AP2M1: variants seen among roughly 807,000 people sequenced by gnomAD.
The protein encoded by AP2M1 is adaptor related protein complex 2 subunit mu 1.
In AP2M1, 5 loss-of-function variants were observed where a neutral mutation model predicts 54.5. The ratio of observed to expected loss-of-function variants is 0.09; its 90% CI spans 0.05 to 0.19. AP2M1 has a LOEUF of 0.19. Among genes scored for constraint, AP2M1 ranks in the 10% least tolerant of loss-of-function variants. The pLI, the probability that AP2M1 is intolerant of heterozygous loss-of-function variation, is 1.00. For missense variants in AP2M1, 178 were observed against 580.2 expected (o/e 0.31, Z 7.12); for synonymous variants, 186 against 208.2 (o/e 0.89, Z 0.92).
rs372715427 is a variant in AP2M1 at position 184,183,456 on chromosome 3, A to G, written c.1174-26A>G. 3.7e-6 allele frequency: 6 copies of G among 1,613,586 alleles called. No homozygotes were observed. The highest frequency in any genetic ancestry group is 2.2e-5 in the South Asian group (2 of 91,038). ...AGAGCGGCTGTAAGAGGAAGGCCAC[A>G]TTTCTAACTAGCTCTCCTTGCCCAG... On this transcript the variant is annotated intron_variant, in intron 11 of 11. Coordinates refer to ENST00000292807, the MANE Select transcript of AP2M1 (RefSeq NM_004068.4). The surrounding 1 kb of genome is among the most constrained non-coding windows in gnomAD (Gnocchi z 5.7).
At position 184,183,413 on chromosome 3, in the gene AP2M1, A is replaced by G; in HGVS notation, c.1174-69A>G. 6.3e-7 allele frequency: 1 copy of G among 1,599,538 alleles called. No individual in the cohort carries two copies. On this transcript the variant is annotated intron_variant, in intron 11 of 11. Coordinates refer to ENST00000292807, the MANE Select transcript of AP2M1 (RefSeq NM_004068.4). This position sits in a 1 kb window ranked among gnomAD's most constrained non-coding sequence, Gnocchi z 5.7. ...TAGTAGCGATGAAGTAGGGCAGGGC[A>G]ACGGGACTTCCCAGAGGAGAGCGGC...
chr3:184,183,766 A>G lies in AP2M1; in HGVS notation c.*150A>G, dbSNP rs114970633. 7.6e-4 allele frequency: 711 copies of G among 938,498 alleles called. 3 individuals carry two copies. In the African/African-American group the frequency reaches 9.2e-3, roughly 12 times the overall value. 58.1% of individuals were successfully genotyped at this position (938,498 alleles called of 1,614,324 possible). On this transcript the variant is annotated 3_prime_UTR_variant, in exon 12 of 12. Coordinates refer to ENST00000292807, the MANE Select transcript of AP2M1 (RefSeq NM_004068.4). This position sits in a 1 kb window ranked among gnomAD's most constrained non-coding sequence, Gnocchi z 5.7. ...CCGAGTCTAGGTCTGGGCCAAGCAC[A>G]TTACAAGTGGGACCGGTGGAGCAGC...
At chr3:184,177,371 CTTT>C (rs1715107887) in intron 2 of AP2M1, among the ~76,000 whole-genome samples, 1 of 152,222 alleles carries the variant, frequency 6.6e-6, no homozygotes, top group Admixed American at 6.5e-5. Context: ...TGAATTCCTT[CTTT>C]GAGGAGGAGG....
rs773885988 is a variant in AP2M1, at chr3:184,181,032, C to T, written c.565+48C>T. The T allele has an allele frequency of 3.7e-6, 6 of 1,614,000 alleles. No individual in the cohort carries two copies. In the South Asian group the frequency reaches 4.4e-5, roughly 12 times the overall value. On this transcript the variant is annotated intron_variant, in intron 6 of 11. Transcript: ENST00000292807. This position sits in a 1 kb window ranked among gnomAD's most constrained non-coding sequence, Gnocchi z 5.7. ...GTTGGAGGGGGCCCAGGGCAGGATC[C>T]TGGGCCTGCCTGCCTGACTCCGCTG...
At chr3:184,179,666 T>TC (rs1715206645) in intron 3 of AP2M1, among the ~76,000 whole-genome samples, 1 of 150,578 alleles carries the variant, frequency 6.6e-6, no homozygotes, top group South Asian at 2.1e-4. Context: ...TCTTTTCTTT[T>TC]TTTTTTTTTT....
In AP2M1 at chr3:184,180,740, A is replaced by G. The variant is rs1474876657; in HGVS notation, c.429+90A>G. 3 of 1,613,972 alleles carry G rather than the reference A, an allele frequency of 1.9e-6. No individual in the cohort carries two copies. The highest frequency in any genetic ancestry group is 2.5e-6 in the Non-Finnish European group (3 of 1,179,956). On this transcript the variant is annotated intron_variant, in intron 5 of 11. Transcript: ENST00000292807. This position sits in a 1 kb window ranked among gnomAD's most constrained non-coding sequence, Gnocchi z 4.9. Reference sequence around the variant, plus strand: ...GGGCTTATAGGGGAAAATGGATTACAGGTGGGGACTAGAAGGGATGGGGAA... The same window carrying G: ...GGGCTTATAGGGGAAAATGGATTACGGGTGGGGACTAGAAGGGATGGGGAA...
At chr3:184,176,818 T>C (rs1715088411) in intron 1 of AP2M1, 133 bp from the exon 2 acceptor site, 1 of 550,890 alleles carries the variant, frequency 1.8e-6, no homozygotes, top group Non-Finnish European at 3.1e-6. Flanking sequence ...GGGAGGGGCA[T>C]GTCTGGGAGG....
rs1213589904 is a variant in AP2M1 at position 184,181,381 on chromosome 3, T to TA, written c.707+156dup. 3.4e-6 allele frequency: 4 copies of TA among 1,178,158 alleles called. No individual in the cohort carries two copies. Among genetic ancestry groups the TA allele is most frequent in the Admixed American group, 2.3e-5 (1 of 42,672 alleles). 73.0% of individuals were successfully genotyped at this position (1,178,158 alleles called of 1,614,324 possible). A position where few individuals can be genotyped will look rare whatever the true frequency, so the allele number is the denominator to read the frequency against. On this transcript the variant is annotated intron_variant, in intron 7 of 11. Coordinates refer to ENST00000292807, the MANE Select transcript of AP2M1 (RefSeq NM_004068.4). This position sits in a 1 kb window ranked among gnomAD's most constrained non-coding sequence, Gnocchi z 5.7. Reference sequence around the variant, plus strand: ...GGCTGTTCGCTCTTGACATTAGTGCTACGAGAGATGAGGGGATCGTCCTCA... The same window carrying TA: ...GGCTGTTCGCTCTTGACATTAGTGCTAACGAGAGATGAGGGGATCGTCCTCA...
In AP2M1 at chr3:184,183,416, G is replaced by T; in HGVS notation, c.1174-66G>T. On this transcript the variant is annotated intron_variant, in intron 11 of 11. Coordinates refer to ENST00000292807, the MANE Select transcript of AP2M1 (RefSeq NM_004068.4). The surrounding 1 kb of genome is among the most constrained non-coding windows in gnomAD (Gnocchi z 5.7). ...TAGCGATGAAGTAGGGCAGGGCAAC[G>T]GGACTTCCCAGAGGAGAGCGGCTGT... The T allele has an allele frequency of 6.2e-7, 1 of 1,600,008 alleles. No individual in the cohort carries two copies. The highest frequency in any genetic ancestry group is 1.1e-5 in the South Asian group (1 of 90,118).
In AP2M1 at chr3:184,182,677, C is replaced by G. The variant is rs1420098417; in HGVS notation, c.1062-80C>G. On this transcript the variant is annotated intron_variant, in intron 10 of 11. Coordinates refer to ENST00000292807, the MANE Select transcript of AP2M1 (RefSeq NM_004068.4). The surrounding 1 kb of genome is among the most constrained non-coding windows in gnomAD (Gnocchi z 5.5). Reference sequence around the variant, plus strand: ...GGCACCTCCTGCAAGCTCCTGGGCTCTCTCCTTGCTTGAAATGGGCAACTG... The same window carrying G: ...GGCACCTCCTGCAAGCTCCTGGGCTGTCTCCTTGCTTGAAATGGGCAACTG... 7.9e-7 allele frequency: 1 copy of G among 1,261,286 alleles called. No individual in the cohort carries two copies. Among genetic ancestry groups the G allele is most frequent in the Non-Finnish European group, 1.1e-6 (1 of 877,294 alleles). The allele number at this position is 1,261,286 out of a possible 1,614,324, so 78.1% of individuals were successfully genotyped here.
At position 184,181,668 on chromosome 3, in the gene AP2M1, A is replaced by G. The variant is rs765231211; in HGVS notation, c.708-28A>G. 8.7e-6 allele frequency: 14 copies of G among 1,612,858 alleles called. No homozygotes were observed. Among genetic ancestry groups the G allele is most frequent in the Admixed American group, 3.3e-5 (2 of 60,018 alleles). The stretch of plus-strand genomic sequence containing the variant: ...TGACAGCTGTCATTCTCCTGTACCA[A>G]TGAGACCTCTTCTGCCCCTGCTTGC... On this transcript the variant is annotated intron_variant, in intron 7 of 11. Transcript: ENST00000292807. This position sits in a 1 kb window ranked among gnomAD's most constrained non-coding sequence, Gnocchi z 5.7.
intron 3 of AP2M1, among the ~76,000 whole-genome samples, chr3:184,179,705 A>T (rs1021623433): frequency 7.3e-6 from 1 of 136,214 alleles, no homozygotes; most frequent in Admixed American, 8.1e-5. Flanking sequence ...CTTGTCACCT[A>T]TGCTGAGTGC....
chr3:184,181,972 G>A lies in AP2M1; in HGVS notation c.888G>A (p.Val296=). 6.2e-7 allele frequency: 1 copy of A among 1,614,168 alleles called. No homozygotes were observed. Among genetic ancestry groups the A allele is most frequent in the Non-Finnish European group, 8.5e-7 (1 of 1,180,036 alleles). The change falls in exon 9 of 12, where the codon GTG becomes GTA. Residue 296 remains valine (V), a synonymous_variant. Coordinates refer to ENST00000292807, the MANE Select transcript of AP2M1 (RefSeq NM_004068.4). The surrounding 1 kb of genome is among the most constrained non-coding windows in gnomAD (Gnocchi z 5.7). ...PFRVIPLVRE[V]GRTKLEVKVV... is the part of the protein sequence containing the mutation. ...GGGTGATCCCGCTAGTGCGAGAAGT[G>A]GGACGCACCAAACTGGAGGTCAAGG...
At position 184,177,891 on chromosome 3, in the gene AP2M1, G is replaced by T. The variant is rs1025914338; in HGVS notation, c.74+824G>T. On this transcript the variant is annotated intron_variant, in intron 2 of 11. Transcript: ENST00000292807. ...GGCCTGTGGCAGTGCTCTTCATTTGGCTCCCTGGCTGATGGGCTGGCTTGG... is the reference window on the plus strand; with the variant it reads ...GGCCTGTGGCAGTGCTCTTCATTTGTCTCCCTGGCTGATGGGCTGGCTTGG... 5.4e-5 allele frequency: 32 copies of T among 594,096 alleles called. No homozygotes were observed. In the African/African-American group the frequency reaches 5.6e-4, roughly 10 times the overall value. 36.8% of individuals were successfully genotyped at this position (594,096 alleles called of 1,614,324 possible). A position where few individuals can be genotyped will look rare whatever the true frequency, so the allele number is the denominator to read the frequency against.
rs1314243209 is a variant in AP2M1 at position 184,181,954 on chromosome 3, C to T, written c.870C>T (p.Ile290=). Residue 290 remains isoleucine (I), a synonymous_variant, in exon 9 of 12, where the codon ATC becomes ATT. Coordinates refer to ENST00000292807, the MANE Select transcript of AP2M1 (RefSeq NM_004068.4). The surrounding 1 kb of genome is among the most constrained non-coding windows in gnomAD (Gnocchi z 5.7). ...ACATCATCCTTCCCTTCCGGGTGAT[C>T]CCGCTAGTGCGAGAAGTGGGACGCA... ...TKDIILPFRV[I]PLVREVGRTK... The T allele has an allele frequency of 6.2e-7, 1 of 1,614,194 alleles. No individual in the cohort carries two copies. Among genetic ancestry groups the T allele is most frequent in the East Asian group, 2.2e-5 (1 of 44,880 alleles).
chr3:184,179,662 C>CTTTTTTTT (rs368749437), intron 3 of AP2M1, among the ~76,000 whole-genome samples: 7 of 135,098 alleles, frequency 5.2e-5, no homozygotes, highest in Admixed American at 7.4e-5. Context: ...GATTTCTTTT[C>CTTTTTTTT]TTTTTTTTTT....
Position 184,179,112 on chromosome 3 carries a change from G to A in AP2M1, c.330G>A (p.Glu110=). Reference sequence around the variant, plus strand: ...AGAACAATTTTGTGCTCATATATGAGCTGCTGGATGGTGAGGCTGGCGGGC... The same window carrying A: ...AGAACAATTTTGTGCTCATATATGAACTGCTGGATGGTGAGGCTGGCGGGC... ...NIKNNFVLIY[E]LLDEILDFGY... The change falls in exon 3 of 12, where the codon GAG becomes GAA. Residue 110 remains glutamate (E), a synonymous_variant. Transcript: ENST00000292807. The A allele has an allele frequency of 6.2e-7, 1 of 1,612,072 alleles. No homozygotes were observed. Among genetic ancestry groups the A allele is most frequent in the East Asian group, 2.2e-5 (1 of 44,850 alleles).
chr3:184,175,767 C>T (rs1348468563), intron 1 of AP2M1, among the ~76,000 whole-genome samples: 1 of 152,126 alleles, frequency 6.6e-6, no homozygotes, highest in Admixed American at 6.5e-5. Flanking sequence ...CGCTACCTAC[C>T]ACTCGATACC....
In AP2M1 at chr3:184,178,347, GC is replaced by G; in HGVS notation, c.75-509del. 7.9e-7 allele frequency: 1 copy of G among 1,259,324 alleles called. No homozygotes were observed. The highest frequency in any genetic ancestry group is 2.5e-5 in the East Asian group (1 of 39,670). 78.0% of individuals were successfully genotyped at this position (1,259,324 alleles called of 1,614,324 possible). ...GTTGGATCCTGGGCAAGAATGGGTA[GC>G]ACAATTCCATGGCCCCTTGGTACTT... On this transcript the variant is annotated intron_variant, in intron 2 of 11. Coordinates refer to ENST00000292807, the MANE Select transcript of AP2M1 (RefSeq NM_004068.4). The surrounding 1 kb of genome is among the most constrained non-coding windows in gnomAD (Gnocchi z 4.9).
Sources: gnomAD v4.1 joint callset for allele counts (sites outside exome capture counted in the v4.1 genomes callset) on GRCh38, gnomAD v4.1.1 for gene constraint, Gnocchi (gnomAD v3.1) non-coding constraint, MANE v1.5 for transcripts, NCBI Gene and HGNC (gene_info 2026-07-23, HGNC 2026-07-21) for gene names.